The following LRRC75B variants were observed in gnomAD, a reference collection of about 807,000 sequenced individuals.
The protein encoded by LRRC75B is leucine rich repeat containing 75B.
LRRC75B carries 20 observed loss-of-function variants against 16.5 expected under a neutral mutation model. The observed-to-expected ratio is 1.21, with a 90% CI of 0.85 to 1.76. The LOEUF (loss-of-function observed/expected upper bound fraction) is 1.76. LRRC75B is among the 40% of genes most tolerant of loss of function. The pLI is 0.00. For missense variants in LRRC75B, 406 were observed against 417.0 expected, an observed-to-expected ratio of 0.97 and a Z score of 0.23; for synonymous variants, 199 against 198.1, an observed-to-expected ratio of 1.00 and a Z score of -0.04.
Position 24,586,214 on chromosome 22 carries a change from A to C in LRRC75B, c.620T>G (p.Leu207Arg). 6.2e-7 allele frequency: 1 copy of C among 1,613,652 alleles called. No homozygotes were observed. The change falls in exon 4 of 4, where the codon CTG becomes CGG. Residue 207 changes from leucine to arginine, a missense_variant. By Grantham distance (102) the Leu-to-Arg change is moderately radical (BLOSUM62 -2). Coordinates refer to ENST00000318753, the MANE Select transcript of LRRC75B (RefSeq NM_207644.3). ...GAGCAGGAGCTGGGTGAGGCGGGGCAGCGCCCACAGGCTGGGCAGCAGGAG... is the reference window on the plus strand; with the variant it reads ...GAGCAGGAGCTGGGTGAGGCGGGGCCGCGCCCACAGGCTGGGCAGCAGGAG... ...LHLLLPSLWALPRLTQLLLNG... is the reference protein window; with the variant it reads ...LHLLLPSLWARPRLTQLLLNG...
At position 24,586,068 on chromosome 22, in the gene LRRC75B, G is replaced by A. The variant is rs1173867895; in HGVS notation, c.766C>T (p.Pro256Ser). The A allele has an allele frequency of 8.1e-6, 13 of 1,611,956 alleles. No homozygotes were observed. Among genetic ancestry groups the A allele is most frequent in the African/African-American group, 1.3e-5 (1 of 74,954 alleles). Residue 256 changes from proline (P) to serine (S), a missense_variant, in exon 4 of 4, where the codon CCC (proline) becomes TCC (serine). By Grantham distance (74) the Pro-to-Ser change is moderately conservative. Transcript: ENST00000318753. ...CGCAGGCCGACCAGCAGGGGCTGGGGCAGGGAAGCCACATCCACGTTGTTG... is the reference window on the plus strand; with the variant it reads ...CGCAGGCCGACCAGCAGGGGCTGGGACAGGGAAGCCACATCCACGTTGTTG... ...LGNNVDVASL[P>S]QPLLVGLRRR...
At chr22:24,591,156 C>T (rs1320098351) in intron 1 of LRRC75B, among the ~76,000 whole-genome samples, 9 of 152,194 alleles carry the variant, frequency 5.9e-5, no homozygotes, top group African/African-American at 1.4e-4. Context: ...GTCAGCTCAC[C>T]GCAACCTCCG....
rs369810020 is a variant in LRRC75B, at chr22:24,586,237, G to C, written c.597C>G (p.Leu199=). ...GCAGCGCCCACAGGCTGGGCAGCAG[G>C]AGGTGCAGCAGCTCATCACTCAGCC... ...FTGLSDELLH[L]LLPSLWALPR... is the part of the protein sequence containing the mutation. Residue 199 remains leucine, a synonymous_variant, in exon 4 of 4, where the codon CTC becomes CTG. Coordinates refer to ENST00000318753, the MANE Select transcript of LRRC75B (RefSeq NM_207644.3). 6.2e-7 allele frequency: 1 copy of C among 1,613,770 alleles called. No individual in the cohort carries two copies.
intron 3 of LRRC75B, among the ~76,000 whole-genome samples, chr22:24,587,398 C>T (rs1354074227): frequency 6.6e-6 from 1 of 152,220 alleles, no homozygotes; most frequent in Non-Finnish European, 1.5e-5. Flanking sequence ...GCCCACTAGG[C>T]AGACAGGCCT....
Position 24,586,051 on chromosome 22 carries a change from G to A in LRRC75B, c.783C>T (p.Val261=), listed in dbSNP as rs746612172. Residue 261 remains valine, a synonymous_variant, in exon 4 of 4, where the codon GTC becomes GTT. Coordinates refer to ENST00000318753, the MANE Select transcript of LRRC75B (RefSeq NM_207644.3). ...GCTGGCTCAGCCGCCGGCGCAGGCCGACCAGCAGGGGCTGGGGCAGGGAAG... is the reference window on the plus strand; with the variant it reads ...GCTGGCTCAGCCGCCGGCGCAGGCCAACCAGCAGGGGCTGGGGCAGGGAAG... ...DVASLPQPLL[V]GLRRRLSQRT... The A allele has an allele frequency of 8.1e-6, 13 of 1,611,636 alleles. No homozygotes were observed. Among genetic ancestry groups the A allele is most frequent in the South Asian group, 6.6e-5 (6 of 91,072 alleles).
Position 24,586,321 on chromosome 22 carries a change from G to C in LRRC75B, c.513C>G (p.Ile171Met), listed in dbSNP as rs1181573412. Residue 171 changes from isoleucine (I) to methionine (M), a missense_variant, in exon 4 of 4, where the codon ATC (isoleucine) becomes ATG (methionine). By Grantham distance (10) the Ile-to-Met change is conservative. Transcript: ENST00000318753. ...IPLSTQDVQH[I>M]TRYLSSHGAV... ...CACCATGGCTGCTCAGGTAGCGTGT[G>C]ATGTGTTGCACGTCCTGTGTCGACA... is the stretch of plus-strand genomic sequence containing the variant. 6.2e-7 allele frequency: 1 copy of C among 1,614,002 alleles called. No homozygotes were observed. The highest frequency in any genetic ancestry group is 1.7e-5 in the Admixed American group (1 of 60,032).
At chr22:24,589,049 T>C (rs977001404) in intron 2 of LRRC75B, 17 of 1,023,318 alleles carry the variant, frequency 1.7e-5, no homozygotes, top group Non-Finnish European at 1.8e-5. Context: ...GTTCCTGTGA[T>C]GGCCGTGGGC....
At chr22:24,592,478 A>C (rs2045599271) in intron 1 of LRRC75B, 9 of 455,044 alleles carry the variant, frequency 2.0e-5, no homozygotes, top group South Asian at 1.4e-4. Flanking sequence ...AGATGATTTG[A>C]CCTCACTTGC....
intron 1 of LRRC75B, among the ~76,000 whole-genome samples, chr22:24,591,881 C>T (rs2045577742): frequency 6.6e-6 from 1 of 152,230 alleles, no homozygotes; most frequent in African/African-American, 2.4e-5. Flanking sequence ...TCCTCTTAAA[C>T]GGACAGCTCC....
chr22:24,588,380 T>C, intron 2 of LRRC75B, 51 bp from the exon 3 acceptor site: 2 of 1,423,200 alleles, frequency 1.4e-6, no homozygotes, highest in South Asian at 2.4e-5. Context: ...CCTGCCCACC[T>C]CAGGGCCTTG....
intron 1 of LRRC75B, among the ~76,000 whole-genome samples, chr22:24,590,816 C>T (rs1215836587): frequency 6.6e-6 from 1 of 152,188 alleles, no homozygotes; most frequent in Non-Finnish European, 1.5e-5. Flanking sequence ...GTATAGGGCA[C>T]CTCCATGACC....
intron 2 of LRRC75B, chr22:24,588,559 A>G: frequency 1.3e-6 from 1 of 793,368 alleles, no homozygotes; most frequent in East Asian, 3.2e-5. Context: ...CCAGTCCCGC[A>G]GTGCCCGGCG....
rs559553917 is a variant in LRRC75B, at chr22:24,592,844, G to A, written c.177+19C>T. 177 of 1,276,136 alleles carry A rather than the reference G, an allele frequency of 1.4e-4. 2 individuals carry two copies. In the Middle Eastern group the frequency reaches 2.1e-3, roughly 15 times the overall value. The allele number at this position is 1,276,136 out of a possible 1,614,324, so 79.1% of individuals were successfully genotyped here. On this transcript the variant is annotated intron_variant, in intron 1 of 3. Coordinates refer to ENST00000318753, the MANE Select transcript of LRRC75B (RefSeq NM_207644.3). Reference sequence around the variant, plus strand: ...CCTCCCTGGCCGCCAGCCCAGGGGCGGACGGCTCCTTCTCTCGCCTGGCGC... The same window carrying A: ...CCTCCCTGGCCGCCAGCCCAGGGGCAGACGGCTCCTTCTCTCGCCTGGCGC...
chr22:24,589,542 T>A, intron 2 of LRRC75B: 1 of 460,752 alleles, frequency 2.2e-6, no homozygotes, highest in Non-Finnish European at 3.4e-6. Flanking sequence ...ATAGTCTTCC[T>A]GGTCTGGGCC....
chr22:24,589,370 AG>A, intron 2 of LRRC75B: 3 of 1,129,544 alleles, frequency 2.7e-6, no homozygotes, highest in Non-Finnish European at 3.3e-6. Flanking sequence ...CCCGTCCGCA[AG>A]GGTGTCTGTA....
chr22:24,592,824 C>T, intron 1 of LRRC75B, 39 bp downstream of exon 1: 1 of 1,269,668 alleles, frequency 7.9e-7, no homozygotes. Context: ...CAGACCCTCC[C>T]TGGCCGCCAG....
At chr22:24,592,498 C>G in intron 1 of LRRC75B, 1 of 444,876 alleles carries the variant, frequency 2.2e-6, no homozygotes. Context: ...CCACTCCTCC[C>G]GGGCCCCTCC....
intron 2 of LRRC75B, chr22:24,588,732 G>A (rs968683691): frequency 2.4e-5 from 25 of 1,054,554 alleles, no homozygotes; most frequent in East Asian, 7.2e-5. Flanking sequence ...CTCCACTGAC[G>A]CCAATCCCAG....
At position 24,588,197 on chromosome 22, in the gene LRRC75B, G is replaced by A; in HGVS notation, c.422+17C>T. 1.3e-6 allele frequency: 2 copies of A among 1,590,990 alleles called. No individual in the cohort carries two copies. The highest frequency in any genetic ancestry group is 8.6e-7 in the Non-Finnish European group (1 of 1,161,862). On this transcript the variant is annotated intron_variant, in intron 3 of 3. Coordinates refer to ENST00000318753, the MANE Select transcript of LRRC75B (RefSeq NM_207644.3). ...TGGAGCAGCAGTGAGGAGGGGCAGT[G>A]GCTGGGCTACCCTTACCAGCTCTGG...
Sources: allele counts gnomAD v4.1 joint callset (sites outside exome capture counted in the v4.1 genomes callset), GRCh38; gene constraint gnomAD v4.1.1; transcripts MANE v1.5; gene names NCBI Gene and HGNC (gene_info 2026-07-23, HGNC 2026-07-21).